Variants in LARP4 observed in about 807,000 individuals in gnomAD.
LARP4 encodes the protein la-related protein 4.
A neutral mutation model predicts 92.9 loss-of-function variants in LARP4; 29 were observed. That is an observed-to-expected ratio of 0.31 (90% CI 0.23 to 0.43). The LOEUF (loss-of-function observed/expected upper bound fraction) is 0.43, where lower values mean the gene tolerates loss of function less well. Among genes scored for constraint, LARP4 ranks in the 20% least tolerant of loss-of-function variants. LARP4 has a pLI of 1.00. For synonymous variants in LARP4, 279 were observed against 284.1 expected (o/e 0.98, Z 0.18); for missense variants, 732 against 860.0 (o/e 0.85, Z 1.86).
intron 1 of LARP4, among the ~76,000 whole-genome samples, chr12:50,416,006 C>A (rs1946724089): frequency 6.6e-6 from 1 of 152,146 alleles, no homozygotes; most frequent in African/African-American, 2.4e-5. Context: ...CGCCCCCACC[C>A]TCCATGTTTT....
chr12:50,466,489 C>T lies in LARP4; in HGVS notation c.1384-470C>T, dbSNP rs547753577. On this transcript the variant is annotated intron_variant, in intron 12 of 15. Coordinates refer to ENST00000398473, the MANE Select transcript of LARP4 (RefSeq NM_052879.5). ...ATAAAAATTTAGCCAGGTGTGGTGG[C>T]GCGCACAGCTACTCTGGAGGCAAAA... 1.3e-3 allele frequency among the ~76,000 whole-genome samples: 194 copies of T among 151,918 alleles called. 1 individual carries two copies. The highest frequency in any genetic ancestry group is 3.4e-3 in the Middle Eastern group (1 of 294).
Position 50,400,923 on chromosome 12 carries a change from T to A in LARP4, c.-88T>A. On this transcript the variant is annotated 5_prime_UTR_variant, in exon 1 of 16. Coordinates refer to ENST00000398473, the MANE Select transcript of LARP4 (RefSeq NM_052879.5). ...GCCGGGTGGAGGGGCAAGGCGAGTG[T>A]GTGTCCTTATCCTAGCAATTGGGGC... 6.4e-7 allele frequency: 1 copy of A among 1,573,318 alleles called. No individual in the cohort carries two copies. The highest frequency in any genetic ancestry group is 8.8e-7 in the Non-Finnish European group (1 of 1,142,726).
rs1304533203 is a variant in LARP4, at chr12:50,466,964, T to G, written c.1389T>G (p.Pro463=). The part of the protein sequence containing the change: ...RRREDDRISR[P]HPSTAESKAP... The stretch of plus-strand genomic sequence containing the variant: ...TTATTATTTGTTCATTTTAGAGACC[T>G]CATCCTTCAACAGCTGAATCAAAGG... The change falls in exon 13 of 16, where the codon CCT becomes CCG. Residue 463 remains proline, a synonymous_variant. Coordinates refer to ENST00000398473, the MANE Select transcript of LARP4 (RefSeq NM_052879.5). 1 of 1,608,312 alleles carries G rather than the reference T, an allele frequency of 6.2e-7. No homozygotes were observed.
At chr12:50,405,546 A>C (rs555432216) in intron 1 of LARP4, among the ~76,000 whole-genome samples, 5 of 152,064 alleles carry the variant, frequency 3.3e-5, no homozygotes, top group African/African-American at 1.2e-4. Flanking sequence ...CAGTCTCCAA[A>C]GTAGCTGGGA....
chr12:50,406,790 C>T lies in LARP4; in HGVS notation c.18+5762C>T, dbSNP rs1944919835. Reference sequence around the variant, plus strand: ...GGAGTGCAGTTGCATGATCTCGGCTCACTGCAATGTCTGCCTCCTGGGTTC... The same window carrying T: ...GGAGTGCAGTTGCATGATCTCGGCTTACTGCAATGTCTGCCTCCTGGGTTC... On this transcript the variant is annotated intron_variant, in intron 1 of 15. Transcript: ENST00000398473. Among the ~76,000 whole-genome samples, 3 of 151,990 alleles carry T rather than the reference C, an allele frequency of 2.0e-5. No homozygotes were observed. In the South Asian group the frequency reaches 6.2e-4, roughly 32 times the overall value.
chr12:50,441,780 G>A (rs1267967018), intron 8 of LARP4, 137 bp downstream of exon 8: 3 of 682,652 alleles, frequency 4.4e-6, no homozygotes, highest in African/African-American at 3.8e-5. Context: ...CAGGCGTGGT[G>A]GCTCACACCT....
chr12:50,419,337 C>T (rs1947355792), intron 1 of LARP4, among the ~76,000 whole-genome samples: 1 of 152,106 alleles, frequency 6.6e-6, no homozygotes, highest in African/African-American at 2.4e-5. Flanking sequence ...TGCACTTCAG[C>T]CTGGGCAACA....
chr12:50,445,518 A>T (rs573793537), intron 8 of LARP4, among the ~76,000 whole-genome samples: 1 of 151,824 alleles, frequency 6.6e-6, no homozygotes, highest in African/African-American at 2.4e-5. Context: ...CTTGCCAAAA[A>T]TTTTTTCTGC....
intron 10 of LARP4, among the ~76,000 whole-genome samples, chr12:50,458,270 G>A (rs904244841): frequency 1.3e-5 from 2 of 151,830 alleles, no homozygotes; most frequent in African/African-American, 4.8e-5. Flanking sequence ...CTTTGTTTTT[G>A]TTTGTTTGTT....
rs146185573 is a variant in LARP4 at position 50,447,858 on chromosome 12, T to TC, written c.805-5594dup. On this transcript the variant is annotated intron_variant, in intron 8 of 15. Transcript: ENST00000398473. ...GGCACTGGGCCCAGCTCCGCACCAC[T>TC]CCCCCCCCATTTTTTTCTATTTTTT... is the stretch of plus-strand genomic sequence containing the variant. Among the ~76,000 whole-genome samples the TC allele has an allele frequency of 3.4e-3, 510 of 150,928 alleles. 17 individuals are homozygous for TC. In the East Asian group the frequency reaches 0.078, roughly 23 times the overall value.
rs1405851355 is a variant in LARP4 at position 50,461,352 on chromosome 12, GAAAA to G, written c.1334+6_1334+9del. ...TGGGGACTATGGTAGGGGCAGGTAAGAAAATAAAGTACCTGAAAACCTTTGATAA... is the reference window on the plus strand; with the variant it reads ...TGGGGACTATGGTAGGGGCAGGTAAGTAAAGTACCTGAAAACCTTTGATAA... On this transcript the variant is annotated splice_donor_region_variant and intron_variant, in intron 11 of 15. Transcript: ENST00000398473. The G allele has an allele frequency of 3.1e-6, 5 of 1,610,618 alleles. No homozygotes were observed. The African/African-American group carries it at 6.7e-5, about 22-fold the overall frequency.
chr12:50,456,233 T>C (rs1421045326), intron 10 of LARP4, among the ~76,000 whole-genome samples: 1 of 152,220 alleles, frequency 6.6e-6, no homozygotes, highest in Non-Finnish European at 1.5e-5. Context: ...TATCTTTACT[T>C]ATAAGGAAGT....
intron 1 of LARP4, among the ~76,000 whole-genome samples, chr12:50,423,067 G>A (rs1446454179): frequency 2.6e-5 from 4 of 151,910 alleles, no homozygotes; most frequent in African/African-American, 4.8e-5. Context: ...TGATCCACCC[G>A]CCTCAGCCTC....
chr12:50,448,713 C>T (rs1053526315), intron 8 of LARP4, among the ~76,000 whole-genome samples: 2 of 151,792 alleles, frequency 1.3e-5, no homozygotes, highest in Non-Finnish European at 2.9e-5. Flanking sequence ...TTAGTAGAGA[C>T]AGGGTTTCAC....
chr12:50,438,432 A>C (rs982350504), intron 6 of LARP4, among the ~76,000 whole-genome samples: 1 of 151,174 alleles, frequency 6.6e-6, no homozygotes, highest in Non-Finnish European at 1.5e-5. Flanking sequence ...GGGAGCTTGC[A>C]GTGAGCTGAG....
intron 1 of LARP4, among the ~76,000 whole-genome samples, chr12:50,410,090 CAAAA>C (rs59117589): frequency 9.1e-6 from 1 of 110,110 alleles, no homozygotes; most frequent in Non-Finnish European, 2.1e-5. Flanking sequence ...CCACGCCCGG[CAAAA>C]AAAAAAAAAA....
chr12:50,453,096 G>A (rs1358350221), intron 8 of LARP4, among the ~76,000 whole-genome samples: 1 of 125,848 alleles, frequency 7.9e-6, no homozygotes, highest in Non-Finnish European at 1.7e-5. Context: ...TTTTTTCCTT[G>A]TAAGGGATGG....
rs1593463137 is a variant in LARP4, at chr12:50,470,709, A to G, written c.1546-2706A>G. On this transcript the variant is annotated intron_variant, in intron 13 of 15. Coordinates refer to ENST00000398473, the MANE Select transcript of LARP4 (RefSeq NM_052879.5). ...CCGGCCATGTATGCATTTTTAAAGA[A>G]TAATCATGAAGTGTACGTCTCCTTA... 4.6e-5 allele frequency among the ~76,000 whole-genome samples: 7 copies of G among 152,208 alleles called. 1 individual carries two copies. The highest frequency in any genetic ancestry group is 4.6e-4 in the Admixed American group (7 of 15,270).
intron 11 of LARP4, among the ~76,000 whole-genome samples, chr12:50,461,931 C>T (rs1955450558): frequency 6.6e-6 from 1 of 152,084 alleles, no homozygotes; most frequent in African/African-American, 2.4e-5. Flanking sequence ...GCATTCCAGC[C>T]TGGGTGACAG....
Sources: gnomAD v4.1 joint callset for allele counts (sites outside exome capture counted in the v4.1 genomes callset) on GRCh38, gnomAD v4.1.1 for gene constraint, MANE v1.5 for transcripts, NCBI Gene and HGNC (gene_info 2026-07-23, HGNC 2026-07-21) for gene names.